The following MYO5C variants were observed in gnomAD, a reference collection of about 807,000 sequenced individuals.
MYO5C encodes myosin VC, also known as unconventional myosin-Vc.
MYO5C carries 194 observed loss-of-function variants against 235.7 expected under a neutral mutation model. That is an observed-to-expected ratio of 0.82 (90% CI 0.73 to 0.93). MYO5C has a LOEUF of 0.93. MYO5C is among the 40% of genes least tolerant of loss of function. The probability of loss-of-function intolerance (pLI) is 0.00; values close to 1 mark genes in which losing one functional copy is unlikely to be tolerated. For missense variants in MYO5C, 2,038 were observed against 2,127.2 expected, an observed-to-expected ratio of 0.96 and a Z score of 0.82; for synonymous variants, 707 against 754.8, an observed-to-expected ratio of 0.94 and a Z score of 1.04.
chr15:52,241,528 G>A (rs1433071343), intron 20 of MYO5C, among the ~76,000 whole-genome samples: 1 of 152,034 alleles, frequency 6.6e-6, no homozygotes, highest in East Asian at 1.9e-4. Context: ...CACAGTGCTG[G>A]GATTACAGGT....
chr15:52,291,699 T>C lies in MYO5C; in HGVS notation c.27+3911A>G, dbSNP rs138255786. Among the ~76,000 whole-genome samples, 786 of 151,494 alleles carry C rather than the reference T, an allele frequency of 5.2e-3. 3 individuals carry two copies. The highest frequency in any genetic ancestry group is 9.4e-3 in the South Asian group (45 of 4,780). ...CGTCCAATCTTTAGGCAGTGATATG[T>C]GTGGTCTTTTTTCTTTGTTTGCATA... On this transcript the variant is annotated intron_variant, in intron 1 of 40. Transcript: ENST00000261839.
At chr15:52,266,062 G>A (rs1000901746) in intron 8 of MYO5C, among the ~76,000 whole-genome samples, 3 of 152,130 alleles carry the variant, frequency 2.0e-5, no homozygotes, top group African/African-American at 7.2e-5. Context: ...CCAAGTGCAG[G>A]AGCCTCCATT....
intron 25 of MYO5C, among the ~76,000 whole-genome samples, chr15:52,227,755 AAC>A (rs1247238515): frequency 6.6e-6 from 1 of 152,122 alleles, no homozygotes; most frequent in African/African-American, 2.4e-5. Context: ...CCTACTTTTA[AAC>A]AATAGGGGAC....
intron 8 of MYO5C, among the ~76,000 whole-genome samples, chr15:52,267,503 T>C (rs2036836767): frequency 6.6e-6 from 1 of 152,162 alleles, no homozygotes; most frequent in East Asian, 1.9e-4. Flanking sequence ...CTGGGCAACA[T>C]GGTGAAACCC....
intron 5 of MYO5C, among the ~76,000 whole-genome samples, chr15:52,274,836 T>C (rs928898587): frequency 5.3e-5 from 8 of 152,358 alleles, no homozygotes; most frequent in African/African-American, 1.9e-4. Context: ...ATTGAGGATT[T>C]TGATTTGAGA....
intron 7 of MYO5C, among the ~76,000 whole-genome samples, chr15:52,270,653 C>T (rs964959883): frequency 1.3e-5 from 2 of 149,700 alleles, no homozygotes; most frequent in African/African-American, 4.9e-5. Context: ...TATATACACA[C>T]ATTTATATAT....
At chr15:52,204,741 C>CAGCAGTAGG (rs1596135649) in intron 38 of MYO5C, 124 bp downstream of exon 38, 2 of 1,202,708 alleles carry the variant, frequency 1.7e-6, no homozygotes, top group East Asian at 5.1e-5. Flanking sequence ...AATATCCCTA[C>CAGCAGTAGG]AGCAGTAGGG....
At chr15:52,218,270 C>T (rs1189377180) in intron 32 of MYO5C, among the ~76,000 whole-genome samples, 2 of 152,134 alleles carry the variant, frequency 1.3e-5, no homozygotes, top group Admixed American at 1.3e-4. Context: ...ACTGATAGTG[C>T]TGGGGAACTA....
intron 13 of MYO5C, among the ~76,000 whole-genome samples, chr15:52,250,549 T>TGTA (rs1380198494): frequency 2.0e-5 from 3 of 152,206 alleles, no homozygotes. Context: ...CGGCCAATCC[T>TGTA]ATATTTTAAT....
rs2034984357 is a variant in MYO5C, at chr15:52,193,679, G to A, written c.*223C>T. ...AGTGAAAACCAGCTGAGATTCGAGA[G>A]TGAGACATGGCTTTTCCAAATACAG... On this transcript the variant is annotated 3_prime_UTR_variant, in exon 41 of 41. Transcript: ENST00000261839. 4 of 499,230 alleles carry A rather than the reference G, an allele frequency of 8.0e-6. No individual in the cohort carries two copies. Among genetic ancestry groups the A allele is most frequent in the Non-Finnish European group, 1.4e-5 (4 of 287,270 alleles). The allele number at this position is 499,230 out of a possible 1,614,324, so 30.9% of individuals were successfully genotyped here. A position where few individuals can be genotyped will look rare whatever the true frequency, so the allele number is the denominator to read the frequency against.
At chr15:52,223,752 C>A in intron 28 of MYO5C, 28 bp from the exon 29 acceptor site, 1 of 1,598,570 alleles carries the variant, frequency 6.3e-7, no homozygotes. Flanking sequence ...AAGAAATAAA[C>A]CACATGGCCT....
rs1160895488 is a variant in MYO5C, at chr15:52,192,459, C to T, written c.*1443G>A. On this transcript the variant is annotated 3_prime_UTR_variant, in exon 41 of 41. Transcript: ENST00000261839. ...ATTATGTATTAGCAGGGTGATGCTT[C>T]ATAATCATGTATTATTCCTACCTCT... The T allele has an allele frequency of 6.6e-6, 1 of 152,172 alleles. No individual in the cohort carries two copies. Among genetic ancestry groups the T allele is most frequent in the East Asian group, 1.9e-4 (1 of 5,206 alleles). 9.4% of individuals were successfully genotyped at this position (152,172 alleles called of 1,614,324 possible).
rs539471663 is a variant in MYO5C at position 52,264,495 on chromosome 15, A to C, written c.941-199T>G. On this transcript the variant is annotated intron_variant, in intron 8 of 40. Coordinates refer to ENST00000261839, the MANE Select transcript of MYO5C (RefSeq NM_018728.4). ...AGACATATACCACATGTGTCTATACACAGGTTTCCCCTCTGCCATGGCTGC... is the reference window on the plus strand; with the variant it reads ...AGACATATACCACATGTGTCTATACCCAGGTTTCCCCTCTGCCATGGCTGC... Among the ~76,000 whole-genome samples the C allele has an allele frequency of 3.3e-5, 5 of 152,286 alleles. No individual in the cohort carries two copies. In the East Asian group the frequency reaches 9.6e-4, roughly 29 times the overall value.
At chr15:52,197,498 T>C (rs1224698422) in intron 38 of MYO5C, among the ~76,000 whole-genome samples, 1 of 151,850 alleles carries the variant, frequency 6.6e-6, no homozygotes, top group Non-Finnish European at 1.5e-5. Context: ...GGAGTTGGGG[T>C]GGGGGATGAG....
intron 8 of MYO5C, among the ~76,000 whole-genome samples, chr15:52,266,050 T>C (rs7171825): frequency 0.97 from 147,178 of 152,298 alleles, 71,321 homozygotes; most frequent in South Asian, 1. Context: ...CAACTAAAAA[T>C]GCCAAGTGCA....
Position 52,205,935 on chromosome 15 carries a change from T to C in MYO5C, c.4418A>G (p.Asn1473Ser), listed in dbSNP as rs370200804. The change falls in exon 37 of 41, where the codon AAT (asparagine) becomes AGT (serine). Residue 1473 changes from asparagine to serine, a missense_variant. Asn to Ser is a conservative substitution (Grantham distance 46). Transcript: ENST00000261839. ...EFMKHNSPQQ[N>S]KNCLNNFDLS... ...GTCAAAATTGTTCAAGCAATTCTTATTCTGCTGTGGACTATTATGCTTCAT... is the reference window on the plus strand; with the variant it reads ...GTCAAAATTGTTCAAGCAATTCTTACTCTGCTGTGGACTATTATGCTTCAT... The C allele has an allele frequency of 1.3e-6, 2 of 1,595,462 alleles. No homozygotes were observed. Among genetic ancestry groups the C allele is most frequent in the African/African-American group, 2.7e-5 (2 of 74,676 alleles).
intron 1 of MYO5C, among the ~76,000 whole-genome samples, chr15:52,283,286 A>G (rs1421648433): frequency 6.6e-6 from 1 of 152,250 alleles, no homozygotes; most frequent in East Asian, 1.9e-4. Context: ...ACTCATCCAT[A>G]GAATTGGCAC....
Position 52,205,158 on chromosome 15 carries a change from A to C in MYO5C, c.4538-11T>G, listed in dbSNP as rs769771496. 1 of 1,611,766 alleles carries C rather than the reference A, an allele frequency of 6.2e-7. No homozygotes were observed. Among genetic ancestry groups the C allele is most frequent in the Non-Finnish European group, 8.5e-7 (1 of 1,178,568 alleles). ...CCAGCATTCCCGGAACTGCGGAGAG[A>C]CAGGGAGGCTGTGCTGACACGCCAG... On this transcript the variant is annotated splice_polypyrimidine_tract_variant and intron_variant, in intron 37 of 40. Transcript: ENST00000261839.
intron 4 of MYO5C, chr15:52,277,753 C>T (rs539418655): frequency 1.6e-4 from 68 of 435,564 alleles, no homozygotes; most frequent in Admixed American, 1.0e-3. Context: ...GGGAGCTGCA[C>T]GGCACCGGGT....
Sources: allele counts gnomAD v4.1 joint callset (sites outside exome capture counted in the v4.1 genomes callset), GRCh38; gene constraint gnomAD v4.1.1; transcripts MANE v1.5; gene names NCBI Gene and HGNC (gene_info 2026-07-23, HGNC 2026-07-21).